The following TBC1D22A variants were observed in gnomAD, a reference collection of about 807,000 sequenced individuals.
TBC1D22A encodes the protein TBC1 domain family member 22A.
A neutral mutation model predicts 60.2 loss-of-function variants in TBC1D22A; 38 were observed. The observed-to-expected ratio is 0.63, with a 90% confidence interval of 0.49 to 0.83. TBC1D22A has a LOEUF of 0.83. TBC1D22A is among the 40% of genes least tolerant of loss of function. The probability of loss-of-function intolerance (pLI) is 0.00; values close to 1 mark genes in which losing one functional copy is unlikely to be tolerated. For synonymous variants in TBC1D22A, 302 were observed against 281.7 expected (o/e 1.07, Z -0.72); for missense variants, 628 against 701.0 (o/e 0.90, Z 1.18).
intron 11 of TBC1D22A, among the ~76,000 whole-genome samples, chr22:47,078,221 C>T (rs2064308697): frequency 6.6e-6 from 1 of 152,206 alleles, no homozygotes; most frequent in Non-Finnish European, 1.5e-5. Context: ...TGGAGAGAAA[C>T]AGGGAGAAGC....
rs189951874 is a variant in TBC1D22A, at chr22:46,932,702, T to G, written c.1015+20514T>G. ...TCTCTGAGGATAGGGTTTAGTGCAGTGTGCGTTGTCCTTCTTGCTTTTTTT... is the reference window on the plus strand; with the variant it reads ...TCTCTGAGGATAGGGTTTAGTGCAGGGTGCGTTGTCCTTCTTGCTTTTTTT... On this transcript the variant is annotated intron_variant, in intron 8 of 12. Coordinates refer to ENST00000337137, the MANE Select transcript of TBC1D22A (RefSeq NM_014346.5). Among the ~76,000 whole-genome samples, 469 of 147,100 alleles carry G rather than the reference T, an allele frequency of 3.2e-3. 2 individuals carry two copies. Among genetic ancestry groups the G allele is most frequent in the Non-Finnish European group, 5.5e-3 (368 of 67,228 alleles).
chr22:46,922,752 G>A (rs974022779), intron 8 of TBC1D22A, among the ~76,000 whole-genome samples: 10 of 152,170 alleles, frequency 6.6e-5, no homozygotes, highest in African/African-American at 1.9e-4. Context: ...TTAGTGTACA[G>A]AAATACTACT....
At chr22:46,803,063 G>T (rs527539555) in intron 4 of TBC1D22A, among the ~76,000 whole-genome samples, 8 of 152,268 alleles carry the variant, frequency 5.3e-5, no homozygotes, top group East Asian at 3.9e-4. Context: ...GCCAGGGAAA[G>T]CAGTGTGTTT....
intron 11 of TBC1D22A, among the ~76,000 whole-genome samples, chr22:47,049,611 T>C (rs2063143443): frequency 6.6e-6 from 1 of 152,236 alleles, no homozygotes; most frequent in Non-Finnish European, 1.5e-5. Flanking sequence ...TAGTGTCTCT[T>C]TTCCATCCTT....
intron 4 of TBC1D22A, among the ~76,000 whole-genome samples, chr22:46,825,729 C>G (rs900113163): frequency 1.3e-5 from 2 of 152,160 alleles, no homozygotes; most frequent in Non-Finnish European, 2.9e-5. Flanking sequence ...CCGCTTTGGC[C>G]TCCCCAAAGT....
At chr22:47,149,223 G>C (rs1235420257) in intron 12 of TBC1D22A, among the ~76,000 whole-genome samples, 1 of 152,188 alleles carries the variant, frequency 6.6e-6, no homozygotes, top group African/African-American at 2.4e-5. Flanking sequence ...CGTGGTTGGG[G>C]GACAGGCTCT....
intron 7 of TBC1D22A, among the ~76,000 whole-genome samples, chr22:46,911,145 T>G (rs2069888091): frequency 6.6e-6 from 1 of 152,022 alleles, no homozygotes; most frequent in African/African-American, 2.4e-5. Context: ...GAAACCCTCC[T>G]TATGAGTGAA....
intron 10 of TBC1D22A, among the ~76,000 whole-genome samples, chr22:47,002,469 T>C (rs1247420750): frequency 6.6e-6 from 1 of 152,278 alleles, no homozygotes; most frequent in Non-Finnish European, 1.5e-5. Flanking sequence ...ATAGATGACG[T>C]CTGTATAAAT....
chr22:47,079,652 G>C (rs1603244573), intron 11 of TBC1D22A, among the ~76,000 whole-genome samples: 2 of 152,190 alleles, frequency 1.3e-5, no homozygotes, highest in South Asian at 2.1e-4. Flanking sequence ...TAAAATCCTA[G>C]TAGAGAAGAT....
intron 4 of TBC1D22A, among the ~76,000 whole-genome samples, chr22:46,855,318 T>G (rs2087512591): frequency 1.3e-5 from 2 of 152,254 alleles, no homozygotes; most frequent in Non-Finnish European, 2.9e-5. Context: ...CCCTTCTTTC[T>G]TGCCCATCTC....
intron 9 of TBC1D22A, 95 bp from the exon 10 acceptor site, chr22:46,997,539 T>C: frequency 1.1e-6 from 1 of 936,664 alleles, no homozygotes; most frequent in Non-Finnish European, 1.7e-6. Flanking sequence ...CGTCCTATTA[T>C]AAAGCTGTTC....
intron 8 of TBC1D22A, among the ~76,000 whole-genome samples, chr22:46,929,396 A>G (rs1286213464): frequency 6.6e-6 from 1 of 152,200 alleles, no homozygotes; most frequent in Non-Finnish European, 1.5e-5. Context: ...CCACCATGTG[A>G]GAGAGTGCCG....
At chr22:46,937,849 T>TA (rs112517352) in intron 8 of TBC1D22A, among the ~76,000 whole-genome samples, 34 of 139,152 alleles carry the variant, frequency 2.4e-4, no homozygotes, top group East Asian at 4.1e-4. Context: ...GTTGAAAAAG[T>TA]AAAAAAAAAA....
intron 12 of TBC1D22A, among the ~76,000 whole-genome samples, chr22:47,166,068 T>G (rs1237243262): frequency 2.0e-5 from 3 of 152,246 alleles, no homozygotes; most frequent in Non-Finnish European, 4.4e-5. Flanking sequence ...ATTTGTAAAC[T>G]TCTGACTTGA....
intron 1 of TBC1D22A, among the ~76,000 whole-genome samples, chr22:46,770,699 C>G (rs1188221907): frequency 1.3e-5 from 2 of 152,240 alleles, no homozygotes; most frequent in Non-Finnish European, 2.9e-5. Context: ...GGCCTAGGAA[C>G]CAAATAGAGC....
rs117556558 is a variant in TBC1D22A at position 46,852,609 on chromosome 22, G to C, written c.638-26044G>C. Among the ~76,000 whole-genome samples the C allele has an allele frequency of 4.1e-3, 620 of 152,280 alleles. 16 individuals are homozygous for C. The East Asian group carries it at 0.044, about 11-fold the overall frequency. ...TTGTTCTTGGTTCCAGCTCCACGAG[G>C]CCTCTGCCTTTGCTCCACTTCACTC... On this transcript the variant is annotated intron_variant, in intron 4 of 12. Coordinates refer to ENST00000337137, the MANE Select transcript of TBC1D22A (RefSeq NM_014346.5).
intron 4 of TBC1D22A, among the ~76,000 whole-genome samples, chr22:46,839,796 A>G (rs1238081521): frequency 6.6e-6 from 1 of 152,246 alleles, no homozygotes; most frequent in Non-Finnish European, 1.5e-5. Flanking sequence ...AAATCCATGC[A>G]TTTGTGGTCA....
chr22:46,947,877 T>C (rs1055063287), intron 8 of TBC1D22A, among the ~76,000 whole-genome samples: 1 of 152,242 alleles, frequency 6.6e-6, no homozygotes, highest in Admixed American at 6.5e-5. Flanking sequence ...ATTCTGTTGC[T>C]AACTTTGGGG....
chr22:47,090,097 T>A (rs1182791879), intron 11 of TBC1D22A, among the ~76,000 whole-genome samples: 2 of 151,482 alleles, frequency 1.3e-5, no homozygotes, highest in African/African-American at 2.4e-5. Flanking sequence ...CCCAGAGGGG[T>A]GGGGGGGCGG....
Sources: allele counts gnomAD v4.1 joint callset (sites outside exome capture counted in the v4.1 genomes callset), GRCh38; gene constraint gnomAD v4.1.1; transcripts MANE v1.5; gene names NCBI Gene and HGNC (gene_info 2026-07-23, HGNC 2026-07-21).